OSMR: variants seen among roughly 807,000 people sequenced by gnomAD.
OSMR encodes the protein oncostatin-M-specific receptor subunit beta.
OSMR carries 81 observed loss-of-function variants against 99.9 expected under a neutral mutation model. The ratio of observed to expected loss-of-function variants is 0.81; its 90% CI spans 0.68 to 0.97. The LOEUF (loss-of-function observed/expected upper bound fraction) is 0.97, where lower values mean the gene tolerates loss of function less well. Ranked by LOEUF, OSMR falls within the 50% of genes least tolerant of loss-of-function variation. OSMR has a pLI of 0.00. For missense variants in OSMR, 1,099 were observed against 1,153.4 expected, an observed-to-expected ratio of 0.95 and a Z score of 0.68; for synonymous variants, 406 against 410.4, an observed-to-expected ratio of 0.99 and a Z score of 0.13.
At chr5:38,894,201 A>G (rs2112472038) in intron 7 of OSMR, among the ~76,000 whole-genome samples, 1 of 152,350 alleles carries the variant, frequency 6.6e-6, no homozygotes, top group East Asian at 1.9e-4. Flanking sequence ...AAACAAAAGA[A>G]CAATACCTGT....
intron 12 of OSMR, among the ~76,000 whole-genome samples, chr5:38,922,073 A>G (rs916296160): frequency 6.6e-6 from 1 of 152,202 alleles, no homozygotes; most frequent in Non-Finnish European, 1.5e-5. Context: ...GCAGAAGGAC[A>G]TTATTATAAC....
At chr5:38,916,895 A>G (rs1745929058) in intron 9 of OSMR, among the ~76,000 whole-genome samples, 1 of 152,102 alleles carries the variant, frequency 6.6e-6, no homozygotes, top group Non-Finnish European at 1.5e-5. Context: ...CAGGGATCCT[A>G]TGGTTTATTG....
intron 7 of OSMR, among the ~76,000 whole-genome samples, chr5:38,887,596 A>G (rs72635255): frequency 0.038 from 5,753 of 152,286 alleles, 316 homozygotes; most frequent in African/African-American, 0.12. Flanking sequence ...TTAAAGTTTC[A>G]GATGAGTCTT....
At position 38,885,476 on chromosome 5, in the gene OSMR, A is replaced by G; in HGVS notation, c.831A>G (p.Leu277=). 1 of 1,614,046 alleles carries G rather than the reference A, an allele frequency of 6.2e-7. No individual in the cohort carries two copies. Among genetic ancestry groups the G allele is most frequent in the Non-Finnish European group, 8.5e-7 (1 of 1,179,942 alleles). ...AACAACCTTCCCAAAGCTACACTTT[A>G]TTTGAATCGTAAGTTGGCTCTGGTT... The part of the protein sequence containing the change: ...WSKQPSQSYT[L]FESFSGEKKL... Residue 277 remains leucine, a synonymous_variant, in exon 6 of 18, where the codon TTA becomes TTG. Coordinates refer to ENST00000274276, the MANE Select transcript of OSMR (RefSeq NM_003999.3).
downstream of OSMR, among the ~76,000 whole-genome samples, chr5:38,936,262 G>GAT (rs1203680991): frequency 6.8e-6 from 1 of 148,112 alleles, no homozygotes; most frequent in Non-Finnish European, 1.5e-5. Flanking sequence ...AGCAAATCAT[G>GAT]ATATCATGAT....
intron 11 of OSMR, chr5:38,921,360 G>T: frequency 3.2e-6 from 1 of 314,210 alleles, no homozygotes; most frequent in Non-Finnish European, 4.6e-6. Flanking sequence ...CCCTGTCCTA[G>T]GTGCTGAAGT....
At chr5:38,888,423 C>T (rs919847032) in intron 7 of OSMR, among the ~76,000 whole-genome samples, 3 of 6,024 alleles carry the variant, frequency 5.0e-4, no homozygotes, top group African/African-American at 1.4e-3. Flanking sequence ...GGTGGGGTGG[C>T]GGGGGTGGGG....
chr5:38,908,016 C>T (rs764556666), intron 9 of OSMR, among the ~76,000 whole-genome samples: 3 of 152,074 alleles, frequency 2.0e-5, no homozygotes, highest in Admixed American at 6.6e-5. Context: ...CTGCCACCAG[C>T]GTGAATGTGT....
Position 38,919,291 on chromosome 5 carries a change from G to T in OSMR, c.1585+229G>T, listed in dbSNP as rs747173863. Reference sequence around the variant, plus strand: ...CATGGCTCAGGACATTTCTGTCCAGGGGATTCTTCAACATACATGGGAAAT... The same window carrying T: ...CATGGCTCAGGACATTTCTGTCCAGTGGATTCTTCAACATACATGGGAAAT... On this transcript the variant is annotated intron_variant, in intron 11 of 17. Coordinates refer to ENST00000274276, the MANE Select transcript of OSMR (RefSeq NM_003999.3). 2.0e-6 allele frequency: 3 copies of T among 1,492,796 alleles called. No individual in the cohort carries two copies. The African/African-American group carries it at 4.2e-5, about 21-fold the overall frequency. 92.5% of individuals were successfully genotyped at this position (1,492,796 alleles called of 1,614,324 possible). A position where few individuals can be genotyped will look rare whatever the true frequency, so the allele number is the denominator to read the frequency against.
chr5:38,879,946 C>T (rs1032308298), intron 3 of OSMR, among the ~76,000 whole-genome samples: 2 of 152,106 alleles, frequency 1.3e-5, no homozygotes, highest in African/African-American at 2.4e-5. Context: ...TGACATTGCT[C>T]ATGTTAAATA....
intron 3 of OSMR, among the ~76,000 whole-genome samples, chr5:38,876,798 T>C (rs1268911723): frequency 6.6e-6 from 1 of 152,214 alleles, no homozygotes; most frequent in Admixed American, 6.5e-5. Context: ...TCTTGGCCTA[T>C]ACCCAGCTGA....
intron 1 of OSMR, chr5:38,941,897 C>T (rs1261333442): frequency 4.3e-6 from 1 of 234,312 alleles, no homozygotes; most frequent in African/African-American, 2.2e-5. Context: ...AGTTAACAAA[C>T]AAGGCATCTG....
At chr5:38,920,741 G>A (rs562527342) in intron 11 of OSMR, among the ~76,000 whole-genome samples, 1 of 152,284 alleles carries the variant, frequency 6.6e-6, no homozygotes, top group Non-Finnish European at 1.5e-5. Context: ...CAATAAACCA[G>A]TTCTTAGTGT....
intron 1 of OSMR, among the ~76,000 whole-genome samples, chr5:38,867,111 C>G (rs1742011483): frequency 6.6e-6 from 1 of 152,136 alleles, no homozygotes; most frequent in Admixed American, 6.5e-5. Flanking sequence ...ATCTTGAAGT[C>G]CCTCCCTCAG....
chr5:38,936,100 AAAT>A (rs1292367823), downstream of OSMR, among the ~76,000 whole-genome samples: 1 of 152,212 alleles, frequency 6.6e-6, no homozygotes, highest in Non-Finnish European at 1.5e-5. Context: ...TGTGTCAGGA[AAAT>A]AATAATGGAC....
intron 7 of OSMR, among the ~76,000 whole-genome samples, chr5:38,900,585 G>A (rs562944201): frequency 1.2e-4 from 18 of 152,308 alleles, no homozygotes; most frequent in Non-Finnish European, 2.6e-4. Context: ...AGTAGACATT[G>A]CAATGGGAAT....
Position 38,917,633 on chromosome 5 carries a change from C to T in OSMR, c.1362+11C>T. On this transcript the variant is annotated intron_variant, in intron 10 of 17. Transcript: ENST00000274276. ...ACCTTATTCTGGAAGGTAAGATGTG[C>T]AGATTCCAAAAGTCTGATTGTTTCC... The T allele has an allele frequency of 6.2e-7, 1 of 1,602,770 alleles. No individual in the cohort carries two copies. Among genetic ancestry groups the T allele is most frequent in the East Asian group, 2.2e-5 (1 of 44,776 alleles).
intron 7 of OSMR, among the ~76,000 whole-genome samples, chr5:38,901,568 G>C (rs1189228458): frequency 6.6e-6 from 1 of 152,200 alleles, no homozygotes; most frequent in Non-Finnish European, 1.5e-5. Context: ...GTGCCTAGTA[G>C]CAAGCAAGGA....
intron 1 of OSMR, among the ~76,000 whole-genome samples, chr5:38,853,179 A>G (rs1740565671): frequency 6.6e-6 from 1 of 152,120 alleles, no homozygotes; most frequent in Non-Finnish European, 1.5e-5. Context: ...CTATTTACCT[A>G]TGATTTAATC....
Sources: gnomAD v4.1 joint callset for allele counts (sites outside exome capture counted in the v4.1 genomes callset) on GRCh38, gnomAD v4.1.1 for gene constraint, MANE v1.5 for transcripts, NCBI Gene and HGNC (gene_info 2026-07-23, HGNC 2026-07-21) for gene names.